Variants in PTCH1 observed in about 807,000 individuals in gnomAD.
PTCH1 encodes patched 1, also known as protein patched homolog 1.
Under a neutral mutation model 144.6 loss-of-function variants are expected in PTCH1, and 14 were observed. That is an observed-to-expected ratio of 0.10 (90% CI 0.06 to 0.15). The LOEUF (loss-of-function observed/expected upper bound fraction) is 0.15, where lower values mean the gene tolerates loss of function less well. PTCH1 is among the 10% of genes least tolerant of loss of function. PTCH1 has a pLI of 1.00. For missense variants in PTCH1, 1,623 were observed against 1,948.3 expected (o/e 0.83, Z 3.14); for synonymous variants, 833 against 793.6 (o/e 1.05, Z -0.83).
intron 2 of PTCH1, among the ~76,000 whole-genome samples, chr9:95,503,559 G>T (rs903268318): frequency 1.3e-5 from 2 of 152,154 alleles, no homozygotes; most frequent in Non-Finnish European, 2.9e-5. Flanking sequence ...CAGAATGAAT[G>T]AATGAATGAA....
Position 95,467,424 on chromosome 9 carries a change from A to G in PTCH1, c.2252T>C (p.Val751Ala). 1 of 1,613,936 alleles carries G rather than the reference A, an allele frequency of 6.2e-7. No individual in the cohort carries two copies. The highest frequency in any genetic ancestry group is 1.1e-5 in the South Asian group (1 of 91,074). Reference sequence around the variant, plus strand: ...GCCCAGAAAAAGGAAGATCACCACTACCTGGAACAGAAGAGGCACAAGGTC... The same window carrying G: ...GCCCAGAAAAAGGAAGATCACCACTGCCTGGAACAGAAGAGGCACAAGGTC... ...APFLLKPKAK[V>A]VVIFLFLGLL... is the part of the protein sequence containing the mutation. Residue 751 changes from valine (V) to alanine (A), a missense_variant and splice_region_variant, in exon 15 of 24, where the codon GTA (valine) becomes GCA (alanine). By Grantham distance (64) the Val-to-Ala change is moderately conservative. Coordinates refer to ENST00000331920, the MANE Select transcript of PTCH1 (RefSeq NM_000264.5).
chr9:95,516,232 G>A (rs1844356720), intron 1 of PTCH1, among the ~76,000 whole-genome samples: 1 of 148,970 alleles, frequency 6.7e-6, no homozygotes, highest in African/African-American at 2.4e-5. Flanking sequence ...TCGGGGGCGG[G>A]GGCCCGGGCG....
intron 2 of PTCH1, among the ~76,000 whole-genome samples, chr9:95,502,976 C>T (rs1283719762): frequency 6.6e-6 from 1 of 152,182 alleles, no homozygotes; most frequent in Non-Finnish European, 1.5e-5. Flanking sequence ...AGACAATGTG[C>T]ATACACACAC....
chr9:95,506,935 A>AC, intron 1 of PTCH1: 1 of 1,043,858 alleles, frequency 9.6e-7, no homozygotes, highest in Non-Finnish European at 1.2e-6. Context: ...GACAATATTC[A>AC]CCCCAGAGCT....
intron 1 of PTCH1, chr9:95,507,285 C>T (rs1843756086): frequency 2.0e-6 from 2 of 985,490 alleles, no homozygotes; most frequent in South Asian, 4.7e-5. Context: ...CCTCTCCCTT[C>T]CTTTCTGGTT....
chr9:95,454,095 G>A (rs1341500765), intron 19 of PTCH1, among the ~76,000 whole-genome samples: 1 of 152,238 alleles, frequency 6.6e-6, no homozygotes, highest in African/African-American at 2.4e-5. Flanking sequence ...TTCAGGCTAT[G>A]TTTGTAGTAC....
intron 15 of PTCH1, among the ~76,000 whole-genome samples, chr9:95,465,524 C>T (rs1401777486): frequency 6.6e-6 from 1 of 152,192 alleles, no homozygotes; most frequent in Non-Finnish European, 1.5e-5. Flanking sequence ...ATGGCATGTT[C>T]TCTGTACCTT....
intron 2 of PTCH1, chr9:95,495,012 C>T (rs564315875): frequency 3.6e-4 from 55 of 152,620 alleles, no homozygotes; most frequent in African/African-American, 1.3e-3. Context: ...ATGCGAGTCT[C>T]CACCTTCGCA....
intron 2 of PTCH1, among the ~76,000 whole-genome samples, chr9:95,493,908 T>C (rs1005205693): frequency 1.3e-5 from 2 of 152,180 alleles, no homozygotes; most frequent in African/African-American, 4.8e-5. Context: ...AGCCAACCGC[T>C]GTCCAAGTTT....
rs753067741 is a variant in PTCH1, at chr9:95,453,479, T to C, written c.3448A>G (p.Arg1150Gly). The change falls in exon 20 of 24, where the codon AGG becomes GGG. Residue 1150 changes from arginine to glycine, a missense_variant and splice_region_variant. Arg to Gly is a moderately radical substitution (Grantham distance 125). Around this residue, in one of 7 missense-constraint regions of PTCH1, gnomAD observed 504 missense variants for 679.3 expected, o/e 0.74. Transcript: ENST00000331920. ...LAGSEFDFIV[R>G]YFFAVLAILT... is the part of the protein sequence containing the mutation. Reference sequence around the variant, plus strand: ...GTCTCCTTGCACACGCCTGCTTACCTGACAATGAAGTCGAACTCAGATCCC... The same window carrying C: ...GTCTCCTTGCACACGCCTGCTTACCCGACAATGAAGTCGAACTCAGATCCC... 1 of 1,614,078 alleles carries C rather than the reference T, an allele frequency of 6.2e-7. No individual in the cohort carries two copies. Among genetic ancestry groups the C allele is most frequent in the Non-Finnish European group, 8.5e-7 (1 of 1,180,042 alleles).
At chr9:95,460,191 A>G (rs1839341798) in intron 16 of PTCH1, among the ~76,000 whole-genome samples, 1 of 152,234 alleles carries the variant, frequency 6.6e-6, no homozygotes, top group Non-Finnish European at 1.5e-5. Context: ...AGGAAATGCC[A>G]CCCAGTAAAT....
intron 2 of PTCH1, among the ~76,000 whole-genome samples, chr9:95,502,693 C>A (rs1843231827): frequency 6.6e-6 from 1 of 152,116 alleles, no homozygotes; most frequent in Non-Finnish European, 1.5e-5. Flanking sequence ...TACAATAATT[C>A]TTATCACCAA....
chr9:95,492,256 T>C (rs781003928), intron 2 of PTCH1, among the ~76,000 whole-genome samples: 3 of 152,238 alleles, frequency 2.0e-5, no homozygotes, highest in Non-Finnish European at 4.4e-5. Context: ...GGTGATGCTA[T>C]TGTGCTGCTT....
At chr9:95,477,466 CACACAGG>C in intron 10 of PTCH1, 74 bp downstream of exon 10, 1 of 1,581,336 alleles carries the variant, frequency 6.3e-7, no homozygotes, top group Non-Finnish European at 8.7e-7. Flanking sequence ...GGACACACAG[CACACAGG>C]AGGCTGGCTG....
intron 12 of PTCH1, among the ~76,000 whole-genome samples, chr9:95,473,540 CTA>C (rs1229417555): frequency 8.2e-5 from 12 of 146,298 alleles, no homozygotes; most frequent in African/African-American, 2.3e-4. Flanking sequence ...ATTTTCTATC[CTA>C]TTTTTTTTTT....
At chr9:95,456,808 C>T (rs905244369) in intron 18 of PTCH1, among the ~76,000 whole-genome samples, 4 of 152,110 alleles carry the variant, frequency 2.6e-5, no homozygotes, top group African/African-American at 4.8e-5. Context: ...GGGTCTCAGC[C>T]GCCAGAGACC....
intron 19 of PTCH1, among the ~76,000 whole-genome samples, chr9:95,454,932 T>G (rs1025217115): frequency 6.6e-6 from 1 of 152,232 alleles, no homozygotes; most frequent in African/African-American, 2.4e-5. Context: ...CCATTTGCCC[T>G]GCTAGCTTCC....
rs1588579023 is a variant in PTCH1, at chr9:95,470,027, T to C, written c.1729-96A>G. Reference sequence around the variant, plus strand: ...AAGATGCTTTTAAACAATATTTTTCTTTCCCTTTCCTCTTGAAGCATTTGA... The same window carrying C: ...AAGATGCTTTTAAACAATATTTTTCCTTCCCTTTCCTCTTGAAGCATTTGA... On this transcript the variant is annotated intron_variant, in intron 12 of 23. Transcript: ENST00000331920. 1.5e-5 allele frequency: 14 copies of C among 941,544 alleles called. No homozygotes were observed. In the East Asian group the frequency reaches 2.9e-4, roughly 19 times the overall value. The allele number at this position is 941,544 out of a possible 1,614,324, so 58.3% of individuals were successfully genotyped here. A position where few individuals can be genotyped will look rare whatever the true frequency, so the allele number is the denominator to read the frequency against.
At chr9:95,514,201 C>T (rs575020857), upstream of PTCH1, 1 of 152,256 alleles carries the variant, frequency 6.6e-6, no homozygotes, top group South Asian at 2.1e-4. Context: ...GAGCATTGAC[C>T]CCTGCATTGA....
Sources: allele counts gnomAD v4.1 joint callset (sites outside exome capture counted in the v4.1 genomes callset), GRCh38; gene constraint gnomAD v4.1.1; regional missense constraint gnomAD v4.1.1; transcripts MANE v1.5; gene names NCBI Gene and HGNC (gene_info 2026-07-23, HGNC 2026-07-21).